DENND2B: variants seen among roughly 807,000 people sequenced by gnomAD.
The protein encoded by DENND2B is DENN domain containing 2B.
DENND2B carries 32 observed loss-of-function variants against 116.0 expected under a neutral mutation model. The observed-to-expected ratio is 0.28, with a 90% CI of 0.21 to 0.37. The LOEUF (loss-of-function observed/expected upper bound fraction) is 0.37, where lower values mean the gene tolerates loss of function less well. DENND2B is among the 10% of genes least tolerant of loss of function. The pLI is 1.00. For synonymous variants in DENND2B, 588 were observed against 583.9 expected (o/e 1.01, Z -0.10); for missense variants, 1,276 against 1,477.7 (o/e 0.86, Z 2.24).
In DENND2B at chr11:8,699,390, A is replaced by T. The variant is rs771033310; in HGVS notation, c.2721T>A (p.Ser907Arg). Reference protein sequence around the residue: ...RRVIFVADKLSTLSSCSHAVV... With the variant: ...RRVIFVADKLRTLSSCSHAVV... ...CCGCGTGGGAGCAGCTGGAGAGGGTACTGATGGGCAGACAGAGAGACAGAG... is the reference window on the plus strand; with the variant it reads ...CCGCGTGGGAGCAGCTGGAGAGGGTTCTGATGGGCAGACAGAGAGACAGAG... The change falls in exon 15 of 20, where the codon AGT becomes AGA. Residue 907 changes from serine to arginine, a missense_variant and splice_region_variant. Transcript: ENST00000313726. 7.9e-5 allele frequency: 126 copies of T among 1,594,282 alleles called. No homozygotes were observed. Among genetic ancestry groups the T allele is most frequent in the Admixed American group, 2.1e-4 (11 of 52,580 alleles).
chr11:8,792,247 C>T (rs958275518), intron 1 of DENND2B, among the ~76,000 whole-genome samples: 2 of 152,122 alleles, frequency 1.3e-5, no homozygotes, highest in African/African-American at 4.8e-5. Flanking sequence ...TACTACTTCT[C>T]TCCTTACAGC....
intron 11 of DENND2B, chr11:8,708,362 T>C (rs1261217866): frequency 2.0e-6 from 2 of 982,768 alleles, no homozygotes; most frequent in Admixed American, 1.2e-4. Context: ...AAACAAGAGA[T>C]GGGAGCTACT....
chr11:8,765,982 T>A (rs760059520), intron 1 of DENND2B, among the ~76,000 whole-genome samples: 1 of 151,970 alleles, frequency 6.6e-6, no homozygotes, highest in African/African-American at 2.4e-5. Context: ...GAGGATACAG[T>A]GACACAACTG....
In DENND2B at chr11:8,702,170, A is replaced by C. The variant is rs1565637760; in HGVS notation, c.2720+402T>G. Among the ~76,000 whole-genome samples, 1 of 152,040 alleles carries C rather than the reference A, an allele frequency of 6.6e-6. No homozygotes were observed. Among genetic ancestry groups the C allele is most frequent in the African/African-American group, 2.4e-5 (1 of 41,366 alleles). On this transcript the variant is annotated intron_variant, in intron 14 of 19. Transcript: ENST00000313726. The surrounding 1 kb of genome is among the most constrained non-coding windows in gnomAD (Gnocchi z 4.6). Reference sequence around the variant, plus strand: ...GTCAGTGCTCTTGCCCCTTCCTCACAGCAGCTCTTTCCTCAAACTCAGCAT... The same window carrying C: ...GTCAGTGCTCTTGCCCCTTCCTCACCGCAGCTCTTTCCTCAAACTCAGCAT...
At chr11:8,863,528 C>G (rs773391669) in intron 2 of DENND2B, among the ~76,000 whole-genome samples, 1 of 151,982 alleles carries the variant, frequency 6.6e-6, no homozygotes, top group Non-Finnish European at 1.5e-5. Context: ...CCACTGCGCC[C>G]GGCCTGCCTC....
intron 4 of DENND2B, chr11:8,718,667 G>A: frequency 8.0e-7 from 1 of 1,245,794 alleles, no homozygotes; most frequent in South Asian, 2.8e-5. Flanking sequence ...GGCTTGGAAG[G>A]AGTCTGGGCC....
At position 8,858,555 on chromosome 11, in the gene DENND2B, G is replaced by C. The variant is rs146270284; in HGVS notation, c.-249-1119C>G. ...ATGAGACAGAAGAGATGGGAGGAAG[G>C]CAGGAGCAGATGGGAGAGCTGGGGC... is the stretch of plus-strand genomic sequence containing the variant. On this transcript the variant is annotated intron_variant, in intron 2 of 6. Coordinates refer to the DENND2B transcript ENST00000524757. 5.2e-3 allele frequency among the ~76,000 whole-genome samples: 796 copies of C among 152,250 alleles called. 13 individuals carry two copies. The highest frequency in any genetic ancestry group is 0.018 in the African/African-American group (765 of 41,546).
upstream of DENND2B, chr11:8,811,425 A>G: frequency 2.5e-6 from 1 of 397,430 alleles, no homozygotes; most frequent in Non-Finnish European, 4.4e-6. Flanking sequence ...ACCTGATACA[A>G]ATACAGCCTT....
intron 3 of DENND2B, among the ~76,000 whole-genome samples, chr11:8,852,772 G>A (rs2063055429): frequency 6.6e-6 from 1 of 152,192 alleles, no homozygotes; most frequent in Admixed American, 6.5e-5. Flanking sequence ...TTGTTCAGCA[G>A]CCTAGAAGAC....
At chr11:8,699,078 G>T in intron 15 of DENND2B, 104 bp from the exon 16 acceptor site, 2 of 1,551,496 alleles carry the variant, frequency 1.3e-6, no homozygotes, top group Non-Finnish European at 1.8e-6. Context: ...CTAACAGGAA[G>T]TACTCCAGCC....
At chr11:8,873,369 T>C (rs1594325175), upstream of DENND2B, among the ~76,000 whole-genome samples, 1 of 152,386 alleles carries the variant, frequency 6.6e-6, no homozygotes, top group East Asian at 1.9e-4. Context: ...AATTCCATTG[T>C]AAGTTATGCA....
chr11:8,736,458 T>A (rs1195690737), intron 2 of DENND2B, among the ~76,000 whole-genome samples: 1 of 152,184 alleles, frequency 6.6e-6, no homozygotes, highest in Non-Finnish European at 1.5e-5. Context: ...TTGCCTTATT[T>A]GTTTAGAGTG....
intron 4 of DENND2B, among the ~76,000 whole-genome samples, chr11:8,723,101 T>G (rs61875931): frequency 0.24 from 35,949 of 151,868 alleles, 4,554 homozygotes; most frequent in South Asian, 0.33. Flanking sequence ...TACCTCCTGT[T>G]GCAGGGTACA....
chr11:8,739,280 A>T (rs977938941), intron 2 of DENND2B, among the ~76,000 whole-genome samples: 1 of 152,084 alleles, frequency 6.6e-6, no homozygotes, highest in Admixed American at 6.6e-5. Context: ...CAGCCCCCGA[A>T]GCCCTCTCCC....
At chr11:8,743,216 A>T (rs574026566) in intron 2 of DENND2B, among the ~76,000 whole-genome samples, 11 of 152,120 alleles carry the variant, frequency 7.2e-5, no homozygotes, top group South Asian at 4.2e-4. Flanking sequence ...AAATCTGTTT[A>T]AAAAAAATCT....
At chr11:8,877,660 T>C (rs1594330867) in intron 2 of DENND2B, 1 of 152,356 alleles carries the variant, frequency 6.6e-6, no homozygotes, top group East Asian at 1.9e-4. Context: ...TATTTGTCAC[T>C]GAATTCACTG....
chr11:8,888,507 T>C (rs1046008146), intron 1 of DENND2B, among the ~76,000 whole-genome samples: 3 of 152,164 alleles, frequency 2.0e-5, no homozygotes, highest in African/African-American at 7.2e-5. Context: ...CTTCAAAACG[T>C]TGAATTGGCA....
At chr11:8,754,026 C>T (rs77556024) in intron 1 of DENND2B, among the ~76,000 whole-genome samples, 2 of 79,814 alleles carry the variant, frequency 2.5e-5, no homozygotes, top group African/African-American at 7.7e-5. Flanking sequence ...ACACCAAAAG[C>T]GCGCACACAC....
At chr11:8,859,294 T>TTTTG (rs199899578) in intron 2 of DENND2B, among the ~76,000 whole-genome samples, 58 of 151,702 alleles carry the variant, frequency 3.8e-4, no homozygotes, top group African/African-American at 1.2e-3. Context: ...TAACGTGTTT[T>TTTTG]TTTGTTTGTT....
Sources: gnomAD v4.1 joint callset for allele counts (sites outside exome capture counted in the v4.1 genomes callset) on GRCh38, gnomAD v4.1.1 for gene constraint, Gnocchi (gnomAD v3.1) non-coding constraint, MANE v1.5 for transcripts, NCBI Gene and HGNC (gene_info 2026-07-23, HGNC 2026-07-21) for gene names.